Variants in PDE6C observed in about 807,000 individuals in gnomAD.
The protein encoded by PDE6C is phosphodiesterase 6C.
A neutral mutation model predicts 113.1 loss-of-function variants in PDE6C; 75 were observed. That is an observed-to-expected ratio of 0.66 (90% CI 0.55 to 0.80). The LOEUF (loss-of-function observed/expected upper bound fraction) is 0.80. Ranked by LOEUF, PDE6C falls within the 30% of genes least tolerant of loss-of-function variation. The pLI is 0.00. For missense variants in PDE6C, 912 were observed against 1,038.6 expected (o/e 0.88, Z 1.67); for synonymous variants, 375 against 363.7 (o/e 1.03, Z -0.35).
intron 16 of PDE6C, among the ~76,000 whole-genome samples, chr10:93,656,352 C>T (rs1476940650): frequency 3.3e-5 from 5 of 152,070 alleles, no homozygotes; most frequent in East Asian, 3.9e-4. Context: ...CTGAGTCATA[C>T]GTAACAGAGA....
rs1370667971 is a variant in PDE6C, at chr10:93,645,943, T to C, written c.1848-17T>C. 3 of 1,485,934 alleles carry C rather than the reference T, an allele frequency of 2.0e-6. No individual in the cohort carries two copies. The highest frequency in any genetic ancestry group is 1.9e-6 in the Non-Finnish European group (2 of 1,063,370). The allele number at this position is 1,485,934 out of a possible 1,614,324, so 92.0% of individuals were successfully genotyped here. On this transcript the variant is annotated splice_polypyrimidine_tract_variant and intron_variant, in intron 14 of 21. Transcript: ENST00000371447. The stretch of plus-strand genomic sequence containing the variant: ...TTTTTAAACAGCTAGAATCATGGCA[T>C]GTTGTTTTCCTTCTAGATCCACGTC...
chr10:93,646,566 A>G (rs1344451076), intron 15 of PDE6C, among the ~76,000 whole-genome samples: 2 of 152,184 alleles, frequency 1.3e-5, no homozygotes, highest in African/African-American at 4.8e-5. Flanking sequence ...GAAGCACGGC[A>G]GCATCAACCT....
At chr10:93,616,949 G>A (rs1405272469) in intron 1 of PDE6C, among the ~76,000 whole-genome samples, 3 of 152,198 alleles carry the variant, frequency 2.0e-5, no homozygotes, top group African/African-American at 7.2e-5. Context: ...ACAGGAAACT[G>A]AGAGATATCC....
intron 15 of PDE6C, among the ~76,000 whole-genome samples, chr10:93,652,712 A>G (rs1040652081): frequency 4.6e-5 from 7 of 152,212 alleles, no homozygotes; most frequent in Non-Finnish European, 1.0e-4. Context: ...TTCTTTATAT[A>G]TAGCGTTTTC....
At chr10:93,619,564 T>C (rs925465721) in intron 1 of PDE6C, among the ~76,000 whole-genome samples, 12 of 152,152 alleles carry the variant, frequency 7.9e-5, no homozygotes, top group African/African-American at 2.4e-5. Context: ...GTAGCGGAGA[T>C]TACAGGGGCG....
At position 93,639,942 on chromosome 10, in the gene PDE6C, T is replaced by C. The variant is rs539001597; in HGVS notation, c.1483-128T>C. ...ACTGCATCATCCAGTGCCTGGCACA[T>C]GGTGGTTCAGTGAATCACACATTGT... On this transcript the variant is annotated intron_variant, in intron 11 of 21. Transcript: ENST00000371447. 99 of 931,020 alleles carry C rather than the reference T, an allele frequency of 1.1e-4. 1 individual carries two copies. The highest frequency in any genetic ancestry group is 8.0e-4 in the Admixed American group (45 of 56,132). 57.7% of individuals were successfully genotyped at this position (931,020 alleles called of 1,614,324 possible).
intron 16 of PDE6C, 65 bp downstream of exon 16, chr10:93,655,925 A>G (rs560126439): frequency 2.5e-4 from 210 of 844,548 alleles, no homozygotes; most frequent in Middle Eastern, 8.8e-4. Flanking sequence ...TCCATAAATT[A>G]TCTGTTGCAT....
chr10:93,654,816 T>TTCTTTC (rs1364529260), intron 15 of PDE6C, among the ~76,000 whole-genome samples: 1 of 143,002 alleles, frequency 7.0e-6, no homozygotes, highest in African/African-American at 2.6e-5. Context: ...CTTTCTTTTT[T>TTCTTTC]TTTTTTTTTG....
intron 8 of PDE6C, 98 bp downstream of exon 8, chr10:93,629,403 G>C (rs2134601639): frequency 2.2e-6 from 2 of 918,684 alleles, no homozygotes; most frequent in South Asian, 1.3e-5. Flanking sequence ...CTGATGCTCA[G>C]GTGTGGCCAC....
intron 1 of PDE6C, among the ~76,000 whole-genome samples, chr10:93,614,924 T>C (rs1273276034): frequency 6.6e-6 from 1 of 152,144 alleles, no homozygotes; most frequent in Non-Finnish European, 1.5e-5. Context: ...AGAGACCTCA[T>C]TGGTTCTTCA....
intron 19 of PDE6C, 77 bp from the exon 20 acceptor site, chr10:93,662,483 A>C: frequency 1.6e-6 from 1 of 606,272 alleles, no homozygotes; most frequent in African/African-American, 1.9e-5. Flanking sequence ...AAAAAAAAAA[A>C]AGTTATCAGG....
Position 93,620,802 on chromosome 10 carries a change from C to T in PDE6C, c.633+18C>T. 2 of 1,614,004 alleles carry T rather than the reference C, an allele frequency of 1.2e-6. No homozygotes were observed. Among genetic ancestry groups the T allele is most frequent in the Non-Finnish European group, 1.7e-6 (2 of 1,179,920 alleles). The stretch of plus-strand genomic sequence containing the variant: ...ATGAAGAGGTAATGCTAACCCTGGG[C>T]ATCTGGTTGGAGGCTCAGGAAATTT... On this transcript the variant is annotated intron_variant, in intron 2 of 21. Coordinates refer to ENST00000371447, the MANE Select transcript of PDE6C (RefSeq NM_006204.4).
chr10:93,629,134 G>A (rs57732332), intron 7 of PDE6C, 124 bp from the exon 8 acceptor site: 29,730 of 809,442 alleles, frequency 0.037, 1,628 homozygotes, highest in African/African-American at 0.21. Flanking sequence ...CCATTTGCCC[G>A]CAAGCAGTCA....
intron 9 of PDE6C, 49 bp downstream of exon 9, chr10:93,634,956 G>C (rs981072013): frequency 6.4e-7 from 1 of 1,571,466 alleles, no homozygotes; most frequent in African/African-American, 1.3e-5. Context: ...CACAAAATAA[G>C]AGAGGGCACG....
chr10:93,626,027 C>A (rs2134598709), intron 5 of PDE6C, among the ~76,000 whole-genome samples: 1 of 152,254 alleles, frequency 6.6e-6, no homozygotes, highest in East Asian at 1.9e-4. Flanking sequence ...TGACTGCAAG[C>A]TTCATGAAGG....
chr10:93,650,214 A>G (rs2058603433), intron 15 of PDE6C, among the ~76,000 whole-genome samples: 1 of 152,140 alleles, frequency 6.6e-6, no homozygotes, highest in Admixed American at 6.6e-5. Flanking sequence ...GCAAAATAAT[A>G]ATTTTTAGAT....
chr10:93,613,223 A>T lies in PDE6C; in HGVS notation c.480+18A>T. The T allele has an allele frequency of 6.2e-7, 1 of 1,613,318 alleles. No individual in the cohort carries two copies. The highest frequency in any genetic ancestry group is 8.5e-7 in the Non-Finnish European group (1 of 1,179,998). On this transcript the variant is annotated intron_variant, in intron 1 of 21. Coordinates refer to ENST00000371447, the MANE Select transcript of PDE6C (RefSeq NM_006204.4). Reference sequence around the variant, plus strand: ...TGAAAAAGGTAGGTGGCCTTATGACAGTGGGGCAGAGGTCTTGGCAGGGTC... The same window carrying T: ...TGAAAAAGGTAGGTGGCCTTATGACTGTGGGGCAGAGGTCTTGGCAGGGTC...
chr10:93,654,802 C>CTTTCTTTCTTTCT lies in PDE6C; in HGVS notation c.1936-947_1936-946insCTTTTCTTTCTTT, dbSNP rs1263927055. On this transcript the variant is annotated intron_variant, in intron 15 of 21. Coordinates refer to ENST00000371447, the MANE Select transcript of PDE6C (RefSeq NM_006204.4). ...TCTTTCTTTCTTTCTTTCTTTCTTT[C>CTTTCTTTCTTTCT]TTTCTTTCTTTTTTTTTTTTTTTGA... 1.8e-3 allele frequency among the ~76,000 whole-genome samples: 151 copies of CTTTCTTTCTTTCT among 82,672 alleles called. 2 individuals carry two copies. Among genetic ancestry groups the CTTTCTTTCTTTCT allele is most frequent in the African/African-American group, 6.7e-3 (144 of 21,624 alleles). 54.2% of individuals were successfully genotyped at this position (82,672 alleles called of 152,430 possible). A position where few individuals can be genotyped will look rare whatever the true frequency, so the allele number is the denominator to read the frequency against.
At chr10:93,616,543 C>G (rs1230623728) in intron 1 of PDE6C, among the ~76,000 whole-genome samples, 8 of 151,866 alleles carry the variant, frequency 5.3e-5, no homozygotes, top group Admixed American at 2.6e-4. Flanking sequence ...TAAATGATAG[C>G]TGTGATAATA....
Sources: gnomAD v4.1 joint callset for allele counts (sites outside exome capture counted in the v4.1 genomes callset) on GRCh38, gnomAD v4.1.1 for gene constraint, MANE v1.5 for transcripts, NCBI Gene and HGNC (gene_info 2026-07-23, HGNC 2026-07-21) for gene names.